The following LHFPL3 variants were observed in gnomAD, a reference collection of about 807,000 sequenced individuals.
LHFPL3 encodes LHFPL tetraspan subfamily member 3, also known as LHFPL tetraspan subfamily member 3 protein.
Under a neutral mutation model 19.3 loss-of-function variants are expected in LHFPL3, and 5 were observed. The observed-to-expected ratio is 0.26, with a 90% CI of 0.14 to 0.54. The LOEUF (loss-of-function observed/expected upper bound fraction) is 0.54, where lower values mean the gene tolerates loss of function less well. Among genes scored for constraint, LHFPL3 ranks in the 20% least tolerant of loss-of-function variants. The pLI is 0.94. For synonymous variants in LHFPL3, 133 were observed against 126.2 expected, an observed-to-expected ratio of 1.05 and a Z score of -0.36; for missense variants, 249 against 307.4, an observed-to-expected ratio of 0.81 and a Z score of 1.42.
intron 1 of LHFPL3, among the ~76,000 whole-genome samples, chr7:104,416,613 G>A (rs1490052526): frequency 1.3e-5 from 2 of 152,220 alleles, no homozygotes; most frequent in Non-Finnish European, 2.9e-5. Context: ...TAGCCTCTCA[G>A]AAAAACTGAT....
intron 1 of LHFPL3, among the ~76,000 whole-genome samples, chr7:104,337,735 C>T (rs557351548): frequency 3.3e-5 from 5 of 152,250 alleles, no homozygotes; most frequent in Admixed American, 2.0e-4. Context: ...AATACATTTA[C>T]AGAACATTTT....
chr7:104,612,945 G>C (rs1356153370), intron 1 of LHFPL3, among the ~76,000 whole-genome samples: 3 of 152,168 alleles, frequency 2.0e-5, no homozygotes, highest in African/African-American at 7.2e-5. Flanking sequence ...CAGCTCTCAT[G>C]TTTATGATTG....
intron 1 of LHFPL3, among the ~76,000 whole-genome samples, chr7:104,387,859 T>A (rs776610486): frequency 5.3e-5 from 8 of 152,152 alleles, no homozygotes; most frequent in Non-Finnish European, 8.8e-5. Context: ...TTGTGTGTGA[T>A]GGGTTTGGTG....
chr7:104,492,804 G>A (rs1296673513), intron 1 of LHFPL3, among the ~76,000 whole-genome samples: 1 of 152,064 alleles, frequency 6.6e-6, no homozygotes, highest in Non-Finnish European at 1.5e-5. Context: ...CTGTCTTAGA[G>A]GAGGAGGGAG....
intron 1 of LHFPL3, among the ~76,000 whole-genome samples, chr7:104,396,396 A>G (rs1791184951): frequency 6.6e-6 from 1 of 152,154 alleles, no homozygotes; most frequent in African/African-American, 2.4e-5. Flanking sequence ...AGGTCTCCAG[A>G]GCAGCGGCTA....
chr7:104,870,490 C>G (rs1210958545), intron 2 of LHFPL3, among the ~76,000 whole-genome samples: 1 of 152,196 alleles, frequency 6.6e-6, no homozygotes, highest in Non-Finnish European at 1.5e-5. Context: ...TAGCATGGAG[C>G]CTGCTTCCTC....
intron 2 of LHFPL3, among the ~76,000 whole-genome samples, chr7:104,779,784 A>T (rs1189114860): frequency 1.3e-5 from 2 of 152,248 alleles, no homozygotes; most frequent in South Asian, 2.1e-4. Flanking sequence ...ATGGAGATGC[A>T]GGTCTGACTC....
chr7:104,761,431 A>G (rs914677934), intron 2 of LHFPL3, among the ~76,000 whole-genome samples: 9 of 152,118 alleles, frequency 5.9e-5, no homozygotes, highest in Admixed American at 5.2e-4. Context: ...GAGCAAAAAC[A>G]ATAGGAGGAA....
chr7:104,547,221 C>T (rs1272654891), intron 1 of LHFPL3, among the ~76,000 whole-genome samples: 2 of 17,812 alleles, frequency 1.1e-4, no homozygotes, highest in Admixed American at 1.1e-3. Context: ...CCGGCCTGGG[C>T]GACAGAGCGA....
At chr7:104,555,454 G>A (rs1005169698) in intron 1 of LHFPL3, among the ~76,000 whole-genome samples, 7 of 152,112 alleles carry the variant, frequency 4.6e-5, no homozygotes, top group East Asian at 1.9e-4. Flanking sequence ...CATGGATGGC[G>A]GCAGGCAAAG....
chr7:104,391,423 A>G (rs1402854425), intron 1 of LHFPL3, among the ~76,000 whole-genome samples: 4 of 152,164 alleles, frequency 2.6e-5, no homozygotes, highest in African/African-American at 9.7e-5. Flanking sequence ...TTTTCCCAGC[A>G]CCATTTATTA....
At chr7:104,418,099 C>G (rs1791661021) in intron 1 of LHFPL3, among the ~76,000 whole-genome samples, 1 of 152,088 alleles carries the variant, frequency 6.6e-6, no homozygotes, top group Non-Finnish European at 1.5e-5. Flanking sequence ...TGGTCTCGAA[C>G]TCCTGACCTC....
At chr7:104,725,333 T>TC (rs1480439537) in intron 1 of LHFPL3, among the ~76,000 whole-genome samples, 2 of 152,238 alleles carry the variant, frequency 1.3e-5, no homozygotes, top group African/African-American at 2.4e-5. Flanking sequence ...CCTATAATGT[T>TC]CACTAACCTG....
intron 1 of LHFPL3, among the ~76,000 whole-genome samples, chr7:104,695,437 AC>A (rs1488833067): frequency 6.6e-6 from 1 of 152,212 alleles, no homozygotes; most frequent in East Asian, 1.9e-4. Flanking sequence ...AGGGTATATA[AC>A]CTTTTTTGTT....
At chr7:104,589,713 T>A (rs888622842) in intron 1 of LHFPL3, among the ~76,000 whole-genome samples, 2 of 152,338 alleles carry the variant, frequency 1.3e-5, no homozygotes, top group African/African-American at 4.8e-5. Flanking sequence ...GTACCTCTGG[T>A]AGAATTCGGC....
chr7:104,820,430 A>G (rs1039911493), intron 2 of LHFPL3, among the ~76,000 whole-genome samples: 2 of 152,192 alleles, frequency 1.3e-5, no homozygotes, highest in Non-Finnish European at 2.9e-5. Context: ...TAAGCCAACC[A>G]TGCCTTGTCA....
intron 2 of LHFPL3, among the ~76,000 whole-genome samples, chr7:104,872,733 G>A (rs1791860159): frequency 6.6e-6 from 1 of 152,060 alleles, no homozygotes. Flanking sequence ...AAGGTCCTTG[G>A]GGACAATAAC....
At chr7:104,796,616 A>C (rs548967492) in intron 2 of LHFPL3, 1 of 152,572 alleles carries the variant, frequency 6.6e-6, no homozygotes, top group South Asian at 2.1e-4. Context: ...CCAATCAGGC[A>C]GGAAGGACAT....
At chr7:104,812,700 A>T (rs1790494974) in intron 2 of LHFPL3, among the ~76,000 whole-genome samples, 1 of 149,742 alleles carries the variant, frequency 6.7e-6, no homozygotes, top group Non-Finnish European at 1.5e-5. Context: ...GCTACTCAGG[A>T]GACTGAGGCA....
Sources: allele counts gnomAD v4.1 joint callset (sites outside exome capture counted in the v4.1 genomes callset), GRCh38; gene constraint gnomAD v4.1.1; transcripts MANE v1.5; gene names NCBI Gene and HGNC (gene_info 2026-07-23, HGNC 2026-07-21).